SPOCK1: variants seen among roughly 807,000 people sequenced by gnomAD.
SPOCK1 encodes the protein testican-1.
Under a neutral mutation model 55.3 loss-of-function variants are expected in SPOCK1, and 23 were observed. That is an observed-to-expected ratio of 0.42 (90% CI 0.30 to 0.59). The LOEUF (loss-of-function observed/expected upper bound fraction) is 0.59. Ranked by LOEUF, SPOCK1 falls within the 20% of genes least tolerant of loss-of-function variation. The pLI, the probability that SPOCK1 is intolerant of heterozygous loss-of-function variation, is 0.22. For synonymous variants in SPOCK1, 226 were observed against 221.0 expected (o/e 1.02, Z -0.20); for missense variants, 499 against 552.5 (o/e 0.90, Z 0.97).
At chr5:137,345,801 C>T (rs915124649) in intron 2 of SPOCK1, among the ~76,000 whole-genome samples, 1 of 152,138 alleles carries the variant, frequency 6.6e-6, no homozygotes, top group African/African-American at 2.4e-5. Context: ...CAGCATGATG[C>T]CCTCCCAGAT....
chr5:137,409,765 G>C (rs954869498), intron 2 of SPOCK1, among the ~76,000 whole-genome samples: 3 of 152,140 alleles, frequency 2.0e-5, no homozygotes, highest in Admixed American at 6.5e-5. Flanking sequence ...GTTTCTGTTA[G>C]GTTAGAAGGA....
chr5:137,040,861 T>C (rs1261266128), intron 6 of SPOCK1, among the ~76,000 whole-genome samples: 1 of 152,188 alleles, frequency 6.6e-6, no homozygotes, highest in Non-Finnish European at 1.5e-5. Flanking sequence ...TCTGCTGAAC[T>C]CACTGGCCAA....
intron 6 of SPOCK1, among the ~76,000 whole-genome samples, chr5:137,054,422 A>T (rs1286323740): frequency 1.3e-5 from 2 of 152,232 alleles, no homozygotes; most frequent in Non-Finnish European, 2.9e-5. Context: ...AACCTTGAAG[A>T]TACAGAGTTA....
chr5:137,143,358 G>A (rs1261696629), intron 3 of SPOCK1, among the ~76,000 whole-genome samples: 7 of 152,188 alleles, frequency 4.6e-5, no homozygotes, highest in Admixed American at 3.9e-4. Context: ...TGTCCTCCGG[G>A]TGGTCTCAAC....
intron 2 of SPOCK1, among the ~76,000 whole-genome samples, chr5:137,379,650 A>C (rs1751417118): frequency 6.6e-6 from 1 of 151,952 alleles, no homozygotes; most frequent in Non-Finnish European, 1.5e-5. Context: ...ATGATTTCAA[A>C]CTTTACTATT....
chr5:137,374,862 G>A (rs1256079288), intron 2 of SPOCK1, among the ~76,000 whole-genome samples: 1 of 152,080 alleles, frequency 6.6e-6, no homozygotes, highest in East Asian at 1.9e-4. Context: ...ACAGCAAGGA[G>A]AAATTAGGCA....
At chr5:137,143,340 T>C (rs1304169786) in intron 3 of SPOCK1, among the ~76,000 whole-genome samples, 1 of 152,206 alleles carries the variant, frequency 6.6e-6, no homozygotes, top group African/African-American at 2.4e-5. Flanking sequence ...TTTGTTAACA[T>C]GCCACACTGT....
At chr5:137,328,049 G>A (rs1303289293) in intron 2 of SPOCK1, among the ~76,000 whole-genome samples, 7 of 152,238 alleles carry the variant, frequency 4.6e-5, no homozygotes, top group Non-Finnish European at 1.0e-4. Flanking sequence ...GCTCATCACA[G>A]CCTTTGCTGC....
At chr5:137,126,118 C>T (rs1485427148) in intron 4 of SPOCK1, among the ~76,000 whole-genome samples, 1 of 152,142 alleles carries the variant, frequency 6.6e-6, no homozygotes, top group Non-Finnish European at 1.5e-5. Context: ...TGGCTGGGTG[C>T]CATTCTCACT....
At chr5:137,420,124 C>G (rs1253544608) in intron 2 of SPOCK1, among the ~76,000 whole-genome samples, 2 of 150,628 alleles carry the variant, frequency 1.3e-5, no homozygotes, top group Non-Finnish European at 3.0e-5. Flanking sequence ...GTTGAACCAG[C>G]CTTGCATCCC....
At chr5:137,227,627 G>T (rs1467655583) in intron 3 of SPOCK1, among the ~76,000 whole-genome samples, 1 of 152,204 alleles carries the variant, frequency 6.6e-6, no homozygotes, top group East Asian at 1.9e-4. Flanking sequence ...TTCCTACACA[G>T]CAAGGTCTAT....
chr5:137,461,982 C>T (rs1580940074), intron 2 of SPOCK1, among the ~76,000 whole-genome samples: 1 of 152,198 alleles, frequency 6.6e-6, no homozygotes, highest in East Asian at 1.9e-4. Flanking sequence ...AACAAGGAGA[C>T]TCATCCAGAG....
At chr5:137,225,879 A>C (rs1406280935) in intron 3 of SPOCK1, among the ~76,000 whole-genome samples, 2 of 152,242 alleles carry the variant, frequency 1.3e-5, no homozygotes, top group African/African-American at 4.8e-5. Flanking sequence ...TTTTGTGAGA[A>C]GCTCAGAACC....
chr5:137,083,751 C>T (rs577340722), intron 5 of SPOCK1, among the ~76,000 whole-genome samples: 2 of 152,180 alleles, frequency 1.3e-5, no homozygotes, highest in African/African-American at 4.8e-5. Context: ...TTGGGACACA[C>T]ATCGCCCCCA....
At chr5:137,143,821 T>TAA (rs1271152812) in intron 3 of SPOCK1, among the ~76,000 whole-genome samples, 1 of 152,174 alleles carries the variant, frequency 6.6e-6, no homozygotes, top group Non-Finnish European at 1.5e-5. Context: ...TAGCTGCTAT[T>TAA]AATGTGCAAG....
At chr5:136,986,422 T>A (rs1750843234) in intron 8 of SPOCK1, among the ~76,000 whole-genome samples, 2 of 152,292 alleles carry the variant, frequency 1.3e-5, no homozygotes, top group South Asian at 4.1e-4. Flanking sequence ...GTCTTAATGC[T>A]GAGAATCACT....
intron 9 of SPOCK1, among the ~76,000 whole-genome samples, chr5:136,982,211 A>G (rs1273341088): frequency 6.6e-6 from 1 of 152,232 alleles, no homozygotes; most frequent in Non-Finnish European, 1.5e-5. Context: ...AACTGATGGC[A>G]TAATATGGTA....
chr5:137,428,351 A>G (rs993887929), intron 2 of SPOCK1, among the ~76,000 whole-genome samples: 2 of 152,174 alleles, frequency 1.3e-5, no homozygotes, highest in Admixed American at 6.5e-5. Flanking sequence ...ATGTAGGGAA[A>G]ATGGAAAGGC....
intron 2 of SPOCK1, among the ~76,000 whole-genome samples, chr5:137,474,170 C>A (rs1384928566): frequency 6.6e-6 from 1 of 151,716 alleles, no homozygotes; most frequent in Non-Finnish European, 1.5e-5. Context: ...CACAAACCAC[C>A]ACTAAAGAAG....
Sources: allele counts gnomAD v4.1 joint callset (sites outside exome capture counted in the v4.1 genomes callset), GRCh38; gene constraint gnomAD v4.1.1; transcripts MANE v1.5; gene names NCBI Gene and HGNC (gene_info 2026-07-23, HGNC 2026-07-21).